The following SLC25A21 variants were observed in gnomAD, a reference collection of about 807,000 sequenced individuals.
SLC25A21 encodes the protein solute carrier family 25 member 21, also known as mitochondrial 2-oxodicarboxylate carrier.
In SLC25A21, 47 loss-of-function variants were observed where a neutral mutation model predicts 43.8. The ratio of observed to expected loss-of-function variants is 1.07; its 90% CI spans 0.85 to 1.37. SLC25A21 has a LOEUF of 1.37. Ranked by LOEUF, SLC25A21 falls within the 40% of genes most tolerant of loss-of-function variation. SLC25A21 has a pLI of 0.00. For missense variants in SLC25A21, 352 were observed against 350.2 expected (o/e 1.00, Z -0.04); for synonymous variants, 131 against 121.3 (o/e 1.08, Z -0.52).
intron 3 of SLC25A21, among the ~76,000 whole-genome samples, chr14:36,764,935 G>A (rs1886357584): frequency 6.6e-6 from 1 of 152,194 alleles, no homozygotes; most frequent in African/African-American, 2.4e-5. Context: ...AAGATTACGG[G>A]CCATCTTGCT....
At chr14:37,171,428 T>TTATTA (rs1861936702) in intron 1 of SLC25A21, among the ~76,000 whole-genome samples, 4 of 1,746 alleles carry the variant, frequency 2.3e-3, no homozygotes, top group Non-Finnish European at 6.0e-3. Context: ...TTTATTAGAG[T>TTATTA]TACTATAATT....
At chr14:36,700,068 G>A (rs368390019) in intron 7 of SLC25A21, among the ~76,000 whole-genome samples, 1 of 152,088 alleles carries the variant, frequency 6.6e-6, no homozygotes, top group Non-Finnish European at 1.5e-5. Context: ...GTTCCTATTC[G>A]GCCATCTTGG....
At chr14:37,072,126 G>A (rs185754983) in intron 1 of SLC25A21, among the ~76,000 whole-genome samples, 2 of 143,902 alleles carry the variant, frequency 1.4e-5, no homozygotes, top group African/African-American at 5.4e-5. Context: ...ACGTTGCAGT[G>A]AGCCAAGATT....
At chr14:36,705,595 C>T (rs936633985) in intron 7 of SLC25A21, among the ~76,000 whole-genome samples, 5 of 152,094 alleles carry the variant, frequency 3.3e-5, no homozygotes, top group Admixed American at 6.6e-5. Context: ...TCTGTCTCTG[C>T]CTCTGTCTCT....
chr14:37,131,016 A>C (rs999354094), intron 1 of SLC25A21, among the ~76,000 whole-genome samples: 4 of 152,200 alleles, frequency 2.6e-5, no homozygotes, highest in Non-Finnish European at 5.9e-5. Context: ...GAAGATGATA[A>C]TCAGAGAGAA....
At chr14:36,832,771 T>C (rs978454480) in intron 2 of SLC25A21, among the ~76,000 whole-genome samples, 2 of 152,224 alleles carry the variant, frequency 1.3e-5, no homozygotes, top group Admixed American at 1.3e-4. Context: ...AAATGACTGT[T>C]TCTACCCTTG....
chr14:36,963,439 T>G (rs932588159), intron 1 of SLC25A21, among the ~76,000 whole-genome samples: 13 of 152,148 alleles, frequency 8.5e-5, no homozygotes, highest in African/African-American at 2.7e-4. Context: ...AATAGATTAT[T>G]CATGCAGGCA....
chr14:36,838,845 T>A (rs1242212456), intron 2 of SLC25A21, among the ~76,000 whole-genome samples: 2 of 152,180 alleles, frequency 1.3e-5, no homozygotes, highest in African/African-American at 4.8e-5. Context: ...TCTCCCTTAA[T>A]AAGAATTTTA....
chr14:37,124,069 G>T (rs1446994244), intron 1 of SLC25A21, among the ~76,000 whole-genome samples: 3 of 150,366 alleles, frequency 2.0e-5, no homozygotes, highest in Non-Finnish European at 4.4e-5. Context: ...GGAGTGCAGT[G>T]GTGCGATCTC....
chr14:36,688,324 T>C (rs1482511739), intron 7 of SLC25A21, among the ~76,000 whole-genome samples: 1 of 152,218 alleles, frequency 6.6e-6, no homozygotes, highest in Non-Finnish European at 1.5e-5. Flanking sequence ...GCCCACTTAG[T>C]GTTCAGTATA....
At chr14:36,932,923 T>C (rs12434669) in intron 1 of SLC25A21, among the ~76,000 whole-genome samples, 11,515 of 152,104 alleles carry the variant, frequency 0.076, 685 homozygotes, top group East Asian at 0.24. Flanking sequence ...TAGGATATTA[T>C]AACGATTAAA....
At chr14:36,745,127 AAT>A (rs2139247909) in intron 3 of SLC25A21, among the ~76,000 whole-genome samples, 1 of 151,250 alleles carries the variant, frequency 6.6e-6, no homozygotes, top group Non-Finnish European at 1.5e-5. Context: ...TTTTGCTGAG[AAT>A]GATAGTTTCC....
chr14:37,096,331 G>A (rs919865735), intron 1 of SLC25A21, among the ~76,000 whole-genome samples: 2 of 152,080 alleles, frequency 1.3e-5, no homozygotes, highest in Admixed American at 6.6e-5. Context: ...ATTATTATAT[G>A]CCTTGGGGTA....
chr14:36,800,696 T>C (rs1462478430), intron 3 of SLC25A21, among the ~76,000 whole-genome samples: 2 of 152,154 alleles, frequency 1.3e-5, no homozygotes, highest in African/African-American at 4.8e-5. Flanking sequence ...TTAGGGCCAC[T>C]GAACTGTATG....
chr14:36,684,108 G>A (rs961137351), intron 8 of SLC25A21, among the ~76,000 whole-genome samples: 1 of 152,184 alleles, frequency 6.6e-6, no homozygotes, highest in East Asian at 1.9e-4. Flanking sequence ...TCAGAAACAT[G>A]ACTTTCATCA....
chr14:36,906,063 G>C (rs1566728272), intron 1 of SLC25A21, among the ~76,000 whole-genome samples: 1 of 152,180 alleles, frequency 6.6e-6, no homozygotes, highest in East Asian at 1.9e-4. Context: ...GTAAATGTAG[G>C]TAATCAGATT....
intron 3 of SLC25A21, among the ~76,000 whole-genome samples, chr14:36,800,236 C>G (rs1212627416): frequency 6.6e-6 from 1 of 152,060 alleles, no homozygotes; most frequent in Admixed American, 6.6e-5. Context: ...CACCAAAGAA[C>G]TGAAAGCAGA....
chr14:36,913,254 T>C (rs993896610), intron 1 of SLC25A21, among the ~76,000 whole-genome samples: 1 of 152,132 alleles, frequency 6.6e-6, no homozygotes, highest in African/African-American at 2.4e-5. Context: ...AGGAAAAAAA[T>C]TCCTTAAAGT....
At chr14:37,085,961 C>T (rs1594785794) in intron 1 of SLC25A21, among the ~76,000 whole-genome samples, 1 of 152,046 alleles carries the variant, frequency 6.6e-6, no homozygotes, top group Non-Finnish European at 1.5e-5. Flanking sequence ...AAAAATTAGC[C>T]GGGCGTGGTG....
Sources: gnomAD v4.1 joint callset for allele counts (sites outside exome capture counted in the v4.1 genomes callset) on GRCh38, gnomAD v4.1.1 for gene constraint, MANE v1.5 for transcripts, NCBI Gene and HGNC (gene_info 2026-07-23, HGNC 2026-07-21) for gene names.